Variants in SLC24A3 observed in about 807,000 individuals in gnomAD.
The protein encoded by SLC24A3 is solute carrier family 24 member 3, also known as sodium/potassium/calcium exchanger 3.
Under a neutral mutation model 75.8 loss-of-function variants are expected in SLC24A3, and 28 were observed. The observed-to-expected ratio is 0.37, with a 90% CI of 0.27 to 0.51. SLC24A3 has a LOEUF of 0.51. SLC24A3 is among the 20% of genes least tolerant of loss of function. The pLI, the probability that SLC24A3 is intolerant of heterozygous loss-of-function variation, is 0.94. For synonymous variants in SLC24A3, 372 were observed against 334.1 expected (o/e 1.11, Z -1.24); for missense variants, 663 against 847.8 (o/e 0.78, Z 2.71).
At chr20:19,645,682 G>A (rs961392093) in intron 6 of SLC24A3, among the ~76,000 whole-genome samples, 5 of 152,064 alleles carry the variant, frequency 3.3e-5, no homozygotes, top group Non-Finnish European at 7.4e-5. Flanking sequence ...AAAAAAAAAT[G>A]CAATGTACAC....
intron 2 of SLC24A3, among the ~76,000 whole-genome samples, chr20:19,354,252 AG>A (rs1433314824): frequency 2.0e-5 from 3 of 152,240 alleles, no homozygotes; most frequent in African/African-American, 7.2e-5. Context: ...ATTTGAAAAC[AG>A]AAAAAAATAA....
chr20:19,378,994 C>A (rs1370139496), intron 2 of SLC24A3, among the ~76,000 whole-genome samples: 1 of 151,536 alleles, frequency 6.6e-6, no homozygotes, highest in Non-Finnish European at 1.5e-5. Flanking sequence ...AAGGGAATGT[C>A]TTGTATTATA....
At chr20:19,528,460 A>C (rs1357814073) in intron 3 of SLC24A3, among the ~76,000 whole-genome samples, 1 of 152,176 alleles carries the variant, frequency 6.6e-6, no homozygotes, top group Non-Finnish European at 1.5e-5. Flanking sequence ...GCTATTTGCA[A>C]ATAGATTTTT....
chr20:19,301,840 G>A (rs753139448), intron 2 of SLC24A3, among the ~76,000 whole-genome samples: 2 of 152,122 alleles, frequency 1.3e-5, no homozygotes, highest in Non-Finnish European at 2.9e-5. Context: ...TGTTTGAACA[G>A]CTTGTGAAAA....
At chr20:19,472,866 C>A (rs1173416841) in intron 2 of SLC24A3, among the ~76,000 whole-genome samples, 1 of 152,230 alleles carries the variant, frequency 6.6e-6, no homozygotes, top group African/African-American at 2.4e-5. Flanking sequence ...GGGCCCCTAG[C>A]AGGGTTCCCC....
At chr20:19,230,972 A>T (rs1330113048) in intron 1 of SLC24A3, among the ~76,000 whole-genome samples, 1 of 152,208 alleles carries the variant, frequency 6.6e-6, no homozygotes. Flanking sequence ...TTTGGGAACA[A>T]CTAAAGCTAT....
At chr20:19,537,305 T>C (rs2030416814) in intron 3 of SLC24A3, among the ~76,000 whole-genome samples, 1 of 152,060 alleles carries the variant, frequency 6.6e-6, no homozygotes, top group African/African-American at 2.4e-5. Flanking sequence ...ATCAGAGAAA[T>C]GCAAATCAAA....
At chr20:19,489,596 GC>G (rs1048020747) in intron 2 of SLC24A3, among the ~76,000 whole-genome samples, 2 of 152,004 alleles carry the variant, frequency 1.3e-5, no homozygotes, top group Non-Finnish European at 2.9e-5. Context: ...TTTCAAATGA[GC>G]CCAAGGGCCT....
At chr20:19,359,254 T>TA (rs952418160) in intron 2 of SLC24A3, among the ~76,000 whole-genome samples, 4 of 151,592 alleles carry the variant, frequency 2.6e-5, no homozygotes, top group African/African-American at 7.3e-5. Flanking sequence ...TGTCCCCAAT[T>TA]AAAAAAAAAG....
chr20:19,626,622 G>T (rs927773445), intron 6 of SLC24A3, among the ~76,000 whole-genome samples: 1 of 152,174 alleles, frequency 6.6e-6, no homozygotes, highest in South Asian at 2.1e-4. Context: ...GTGCTTCCTT[G>T]TAAATGTATA....
At position 19,673,650 on chromosome 20, in the gene SLC24A3, A is replaced by G. The variant is rs2032493520; in HGVS notation, c.763A>G (p.Met255Val). ...GATGTATCTTATCTACATTGTCATC[A>G]TGAAGTAAGTAAAATTTTTCATTTC... is the stretch of plus-strand genomic sequence containing the variant. ...VLMYLIYIVIMKYNACIHQCF... is the reference protein window; with the variant it reads ...VLMYLIYIVIVKYNACIHQCF... The change falls in exon 9 of 17, where the codon ATG becomes GTG. Residue 255 changes from methionine to valine, a missense_variant. This residue lies in a region of SLC24A3 where 510 missense variants were observed against 703.6 expected (regional missense o/e 0.72). Coordinates refer to ENST00000328041, the MANE Select transcript of SLC24A3 (RefSeq NM_020689.4). 1.2e-6 allele frequency: 2 copies of G among 1,613,598 alleles called. No homozygotes were observed. The highest frequency in any genetic ancestry group is 2.2e-5 in the South Asian group (2 of 91,074).
chr20:19,374,664 C>A (rs1019905395), intron 2 of SLC24A3, among the ~76,000 whole-genome samples: 3 of 152,188 alleles, frequency 2.0e-5, no homozygotes, highest in Admixed American at 2.0e-4. Flanking sequence ...ACTCTTTTCT[C>A]AATGTGAAGC....
At chr20:19,589,585 C>T (rs1315034290) in intron 6 of SLC24A3, among the ~76,000 whole-genome samples, 1 of 152,216 alleles carries the variant, frequency 6.6e-6, no homozygotes, top group African/African-American at 2.4e-5. Flanking sequence ...AAACAATACA[C>T]TTCCTGGGTC....
At chr20:19,376,515 C>T (rs1986086136) in intron 2 of SLC24A3, among the ~76,000 whole-genome samples, 1 of 152,178 alleles carries the variant, frequency 6.6e-6, no homozygotes, top group African/African-American at 2.4e-5. Context: ...TCGTTCTAGC[C>T]CTGCTGCGAG....
At chr20:19,276,896 A>AT (rs202142914) in intron 1 of SLC24A3, among the ~76,000 whole-genome samples, 1 of 151,650 alleles carries the variant, frequency 6.6e-6, no homozygotes, top group African/African-American at 2.4e-5. Flanking sequence ...CATGTCTCTA[A>AT]TTAAAAAAAA....
chr20:19,590,228 TATACTC>T (rs1026730972), intron 6 of SLC24A3, among the ~76,000 whole-genome samples: 7 of 152,128 alleles, frequency 4.6e-5, no homozygotes, highest in African/African-American at 1.7e-4. Flanking sequence ...AAGTTTCTCT[TATACTC>T]AGATGGCATC....
chr20:19,533,115 G>C (rs1010431916), intron 3 of SLC24A3, among the ~76,000 whole-genome samples: 1 of 152,174 alleles, frequency 6.6e-6, no homozygotes, highest in South Asian at 2.1e-4. Context: ...TGGGTCTATC[G>C]GTTGACTGCA....
chr20:19,348,716 G>A (rs1263525407), intron 2 of SLC24A3, among the ~76,000 whole-genome samples: 1 of 152,154 alleles, frequency 6.6e-6, no homozygotes, highest in Non-Finnish European at 1.5e-5. Flanking sequence ...GACCGCCTGT[G>A]TCACCTTACA....
intron 2 of SLC24A3, among the ~76,000 whole-genome samples, chr20:19,285,551 G>T (rs1359398064): frequency 2.4e-5 from 3 of 124,290 alleles, no homozygotes; most frequent in Admixed American, 9.3e-5. Flanking sequence ...AGAAATTTGT[G>T]ATTTTTTTTT....
Sources: gnomAD v4.1 joint callset for allele counts (sites outside exome capture counted in the v4.1 genomes callset) on GRCh38, gnomAD v4.1.1 for gene constraint, gnomAD v4.1.1 regional missense constraint, MANE v1.5 for transcripts, NCBI Gene and HGNC (gene_info 2026-07-23, HGNC 2026-07-21) for gene names.